Variants in FARSB observed in about 807,000 individuals in gnomAD.
The protein encoded by FARSB is phenylalanine--tRNA ligase beta subunit.
A neutral mutation model predicts 69.6 loss-of-function variants in FARSB; 40 were observed. That is an observed-to-expected ratio of 0.57 (90% confidence interval 0.45 to 0.75). The LOEUF (loss-of-function observed/expected upper bound fraction) is 0.75, where lower values mean the gene tolerates loss of function less well. Among genes scored for constraint, FARSB ranks in the 30% least tolerant of loss-of-function variants. The pLI, the probability that FARSB is intolerant of heterozygous loss-of-function variation, is 0.00. For synonymous variants in FARSB, 235 were observed against 247.2 expected (o/e 0.95, Z 0.46); for missense variants, 632 against 722.9 (o/e 0.87, Z 1.44).
In FARSB at chr2:222,572,038, TA is replaced by T. The variant is rs780549915; in HGVS notation, c.1619-17del. ...AAAGCAGGCCCTGAAAAAGAGAAAG[TA>T]AGAGAAAAATCAATGTTTCTTCTGG... On this transcript the variant is annotated splice_polypyrimidine_tract_variant and intron_variant, in intron 16 of 16. Coordinates refer to ENST00000281828, the MANE Select transcript of FARSB (RefSeq NM_005687.5). 4 of 1,603,540 alleles carry T rather than the reference TA, an allele frequency of 2.5e-6. No homozygotes were observed. The highest frequency in any genetic ancestry group is 1.7e-6 in the Non-Finnish European group (2 of 1,177,000).
intron 16 of FARSB, among the ~76,000 whole-genome samples, chr2:222,584,262 T>C (rs577974004): frequency 2.6e-5 from 4 of 152,184 alleles, no homozygotes; most frequent in Non-Finnish European, 5.9e-5. Context: ...AAATTTTGAC[T>C]ATTTCAAAAT....
At chr2:222,588,276 T>G (rs1161041264) in intron 16 of FARSB, among the ~76,000 whole-genome samples, 1 of 152,176 alleles carries the variant, frequency 6.6e-6, no homozygotes, top group African/African-American at 2.4e-5. Context: ...ATTATCTCAA[T>G]AGATGCAGAA....
At chr2:222,637,169 C>T (rs1053798526) in intron 5 of FARSB, among the ~76,000 whole-genome samples, 14 of 152,082 alleles carry the variant, frequency 9.2e-5, no homozygotes, top group Non-Finnish European at 2.1e-4. Flanking sequence ...TTGCCTGAAA[C>T]AACCGAAGAG....
chr2:222,570,354 A>C lies in FARSB; in HGVS notation c.*1517T>G, dbSNP rs13388047. Among the ~76,000 whole-genome samples, 45,966 of 152,068 alleles carry C rather than the reference A, an allele frequency of 0.3. 7,639 individuals are homozygous for C. Among genetic ancestry groups the C allele is most frequent in the Non-Finnish European group, 0.38 (25,533 of 67,938 alleles). On this transcript the variant is annotated 3_prime_UTR_variant, in exon 17 of 17. Coordinates refer to ENST00000281828, the MANE Select transcript of FARSB (RefSeq NM_005687.5). ...TTTAAAATGTTGTAAGGATCTGCTT[A>C]TAACAGAGCTGTGAAGGGTCAGCTG...
chr2:222,584,231 T>C lies in FARSB; in HGVS notation c.1619-12209A>G, dbSNP rs1391188102. Among the ~76,000 whole-genome samples the C allele has an allele frequency of 7.2e-5, 11 of 152,268 alleles. No homozygotes were observed. In the East Asian group the frequency reaches 2.1e-3, roughly 29 times the overall value. On this transcript the variant is annotated intron_variant, in intron 16 of 16. Transcript: ENST00000281828. ...CAGTTCAGAAAAAAAAAATTTTGCA[T>C]ACCACTTGCATTTTTAAAATAAATT...
At chr2:222,585,070 C>A (rs547525215) in intron 16 of FARSB, among the ~76,000 whole-genome samples, 12 of 152,360 alleles carry the variant, frequency 7.9e-5, no homozygotes, top group African/African-American at 2.9e-4. Context: ...CCCCGAGTAA[C>A]CTAACTAGGA....
chr2:222,582,316 G>A (rs1345117259), intron 16 of FARSB, among the ~76,000 whole-genome samples: 2 of 152,152 alleles, frequency 1.3e-5, no homozygotes, highest in Admixed American at 6.5e-5. Flanking sequence ...ACAAAGAAAG[G>A]TACAGAACAG....
chr2:222,606,854 C>T (rs1690715486), intron 15 of FARSB, among the ~76,000 whole-genome samples: 1 of 152,312 alleles, frequency 6.6e-6, no homozygotes, highest in East Asian at 1.9e-4. Flanking sequence ...ACTTTCCACT[C>T]CTATTCTCAC....
intron 2 of FARSB, among the ~76,000 whole-genome samples, chr2:222,647,321 G>C (rs190759096): frequency 1.3e-5 from 2 of 152,232 alleles, no homozygotes; most frequent in South Asian, 4.2e-4. Context: ...CAAATTCTAC[G>C]GAGCCTGGAA....
chr2:222,585,978 G>A (rs1690102379), intron 16 of FARSB, among the ~76,000 whole-genome samples: 1 of 152,178 alleles, frequency 6.6e-6, no homozygotes. Flanking sequence ...AACCTAGCAA[G>A]GCAGGCCACC....
chr2:222,606,128 G>C (rs190837561), intron 15 of FARSB, among the ~76,000 whole-genome samples: 3 of 151,878 alleles, frequency 2.0e-5, no homozygotes, highest in Non-Finnish European at 4.4e-5. Flanking sequence ...TTATTTAGGC[G>C]CCCCCTCCCA....
chr2:222,579,038 G>A (rs1689904866), intron 16 of FARSB, among the ~76,000 whole-genome samples: 1 of 152,128 alleles, frequency 6.6e-6, no homozygotes, highest in African/African-American at 2.4e-5. Context: ...ATGGCACCTC[G>A]CCTTCTATTC....
intron 14 of FARSB, among the ~76,000 whole-genome samples, chr2:222,618,461 TAGA>T (rs762714589): frequency 9.2e-5 from 14 of 152,328 alleles, no homozygotes; most frequent in African/African-American, 2.2e-4. Context: ...CCCTTGATTC[TAGA>T]AGAAGACATG....
At chr2:222,626,263 A>G (rs912706913) in intron 10 of FARSB, among the ~76,000 whole-genome samples, 2 of 151,312 alleles carry the variant, frequency 1.3e-5, no homozygotes, top group Non-Finnish European at 2.9e-5. Flanking sequence ...AAAAAAAAAA[A>G]AAGAAGTAAC....
At chr2:222,586,656 G>A (rs1275759274) in intron 16 of FARSB, among the ~76,000 whole-genome samples, 3 of 152,104 alleles carry the variant, frequency 2.0e-5, no homozygotes, top group African/African-American at 4.8e-5. Context: ...ATAAAGGGAT[G>A]GAGGAAGATC....
chr2:222,636,056 G>A (rs1276355144), intron 5 of FARSB, among the ~76,000 whole-genome samples: 5 of 150,868 alleles, frequency 3.3e-5, no homozygotes, highest in African/African-American at 1.2e-4. Context: ...GTCCAGCCTG[G>A]GCAACAAGGT....
At chr2:222,599,153 TTC>T (rs1303649406) in intron 16 of FARSB, among the ~76,000 whole-genome samples, 1 of 152,148 alleles carries the variant, frequency 6.6e-6, no homozygotes, top group Non-Finnish European at 1.5e-5. Context: ...AAAGTAAATG[TTC>T]TGTTAGAAAT....
intron 9 of FARSB, among the ~76,000 whole-genome samples, chr2:222,629,886 G>A (rs1003174278): frequency 5.9e-5 from 9 of 151,998 alleles, no homozygotes; most frequent in African/African-American, 1.4e-4. Flanking sequence ...GACTACAGGC[G>A]CAGGCCACCA....
At chr2:222,601,290 T>C (rs983540090) in intron 15 of FARSB, among the ~76,000 whole-genome samples, 2 of 152,084 alleles carry the variant, frequency 1.3e-5, no homozygotes, top group Non-Finnish European at 2.9e-5. Context: ...ATAATAATAA[T>C]TTTTTAAAGT....
Sources: allele counts gnomAD v4.1 joint callset (sites outside exome capture counted in the v4.1 genomes callset), GRCh38; gene constraint gnomAD v4.1.1; transcripts MANE v1.5; gene names NCBI Gene and HGNC (gene_info 2026-07-23, HGNC 2026-07-21).